Variants in KIF26B observed in about 807,000 individuals in gnomAD.
KIF26B encodes kinesin family member 26B, also known as kinesin-like protein KIF26B.
Under a neutral mutation model 151.2 loss-of-function variants are expected in KIF26B, and 63 were observed. That is an observed-to-expected ratio of 0.42 (90% CI 0.34 to 0.51). The LOEUF is 0.51. Among genes scored for constraint, KIF26B ranks in the 20% least tolerant of loss-of-function variants. The pLI is 0.07. For synonymous variants in KIF26B, 1,357 were observed against 1,262.1 expected (o/e 1.08, Z -1.59); for missense variants, 2,813 against 2,913.6 (o/e 0.97, Z 0.79).
At chr1:245,415,254 G>A (rs1041693131) in intron 3 of KIF26B, among the ~76,000 whole-genome samples, 5 of 152,134 alleles carry the variant, frequency 3.3e-5, no homozygotes, top group Non-Finnish European at 5.9e-5. Flanking sequence ...CACTGTCACC[G>A]TTTCAGAGAG....
At chr1:245,279,136 T>C (rs1670990036) in intron 2 of KIF26B, among the ~76,000 whole-genome samples, 1 of 152,088 alleles carries the variant, frequency 6.6e-6, no homozygotes, top group Non-Finnish European at 1.5e-5. Flanking sequence ...GGAACTGTGC[T>C]AAGAAATGTG....
At chr1:245,284,893 G>T (rs1671138078) in intron 2 of KIF26B, among the ~76,000 whole-genome samples, 1 of 152,138 alleles carries the variant, frequency 6.6e-6, no homozygotes, top group African/African-American at 2.4e-5. Context: ...TACAAAATTA[G>T]CCGGGCGTGG....
intron 2 of KIF26B, among the ~76,000 whole-genome samples, chr1:245,302,944 G>A (rs567683068): frequency 1.7e-4 from 21 of 125,756 alleles, no homozygotes; most frequent in African/African-American, 6.2e-4. Context: ...AGCCAAGATC[G>A]TGCCATTGTA....
chr1:245,522,125 T>C (rs904133484), intron 4 of KIF26B, among the ~76,000 whole-genome samples: 16 of 152,164 alleles, frequency 1.1e-4, no homozygotes, highest in Admixed American at 1.3e-4. Context: ...CGCCTTGGCC[T>C]CCCAAAGTGC....
intron 2 of KIF26B, among the ~76,000 whole-genome samples, chr1:245,295,062 A>G (rs1323141397): frequency 6.6e-6 from 1 of 152,156 alleles, no homozygotes; most frequent in Non-Finnish European, 1.5e-5. Context: ...ACTCATGGGG[A>G]AAATTGCAGA....
Position 245,601,062 on chromosome 1 carries a change from G to A in KIF26B, c.1351-1515G>A, listed in dbSNP as rs1472561560. On this transcript the variant is annotated intron_variant, in intron 5 of 14. Coordinates refer to ENST00000407071, the MANE Select transcript of KIF26B (RefSeq NM_018012.4). The surrounding 1 kb of genome is among the most constrained non-coding windows in gnomAD (Gnocchi z 4.4). ...CATTGGGAGGATTAAATGAGATCGTGTAGATAACAGCATAGTCCTGGCATA... is the reference window on the plus strand; with the variant it reads ...CATTGGGAGGATTAAATGAGATCGTATAGATAACAGCATAGTCCTGGCATA... Among the ~76,000 whole-genome samples the A allele has an allele frequency of 6.6e-6, 1 of 152,214 alleles. No homozygotes were observed. The highest frequency in any genetic ancestry group is 1.5e-5 in the Non-Finnish European group (1 of 68,034).
chr1:245,163,492 G>T (rs1668564921), intron 2 of KIF26B, among the ~76,000 whole-genome samples: 1 of 152,078 alleles, frequency 6.6e-6, no homozygotes. Flanking sequence ...TGTTTGGCAG[G>T]GCTAGCTCTC....
chr1:245,204,460 A>G (rs769343792), intron 2 of KIF26B, among the ~76,000 whole-genome samples: 2 of 150,690 alleles, frequency 1.3e-5, no homozygotes, highest in African/African-American at 2.4e-5. Flanking sequence ...CGCAACATCC[A>G]TCTCCCAGGT....
chr1:245,524,008 A>G (rs1472856162), intron 4 of KIF26B, among the ~76,000 whole-genome samples: 1 of 152,230 alleles, frequency 6.6e-6, no homozygotes, highest in African/African-American at 2.4e-5. Flanking sequence ...CCCCAAAATG[A>G]TTTAACACAA....
chr1:245,199,846 C>CCATCCAT (rs1558342686), intron 2 of KIF26B, among the ~76,000 whole-genome samples: 92 of 18,864 alleles, frequency 4.9e-3, no homozygotes, highest in African/African-American at 8.2e-3. Context: ...CATCCATCCA[C>CCATCCAT]CCATCCACTT....
chr1:245,581,442 GTAGA>G (rs141340046), intron 5 of KIF26B, among the ~76,000 whole-genome samples: 13,386 of 152,154 alleles, frequency 0.088, 721 homozygotes, highest in African/African-American at 0.15. Context: ...TAGAAGATAG[GTAGA>G]TAGATAGAGA....
At chr1:245,282,887 A>G (rs904617657) in intron 2 of KIF26B, 7 of 282,706 alleles carry the variant, frequency 2.5e-5, no homozygotes, top group Non-Finnish European at 3.8e-5. Context: ...TCGGGCATAC[A>G]TGGAGTATTA....
chr1:245,230,132 A>AAAAACAAAAC (rs10669398), intron 2 of KIF26B, among the ~76,000 whole-genome samples: 9 of 142,794 alleles, frequency 6.3e-5, no homozygotes, highest in Middle Eastern at 3.7e-3. Context: ...GACTCCATCT[A>AAAAACAAAAC]AAAACAAAAC....
At chr1:245,649,571 G>A (rs940553767) in intron 10 of KIF26B, among the ~76,000 whole-genome samples, 3 of 152,230 alleles carry the variant, frequency 2.0e-5, no homozygotes, top group South Asian at 2.1e-4. Context: ...CCTTAGAGAA[G>A]TGGAAGTTTC....
chr1:245,568,144 C>T (rs1250214758), intron 5 of KIF26B, among the ~76,000 whole-genome samples: 3 of 138,264 alleles, frequency 2.2e-5, no homozygotes, highest in Middle Eastern at 8.0e-3. Context: ...GAGATCATGT[C>T]CCTGCACTCC....
chr1:245,622,843 G>T (rs1281197296), intron 9 of KIF26B, among the ~76,000 whole-genome samples: 1 of 152,078 alleles, frequency 6.6e-6, no homozygotes, highest in Non-Finnish European at 1.5e-5. Flanking sequence ...GACAGCCAAG[G>T]AGTGGGTGAT....
At chr1:245,542,393 A>G (rs6666050) in intron 5 of KIF26B, among the ~76,000 whole-genome samples, 53,953 of 152,166 alleles carry the variant, frequency 0.35, 9,778 homozygotes, top group South Asian at 0.47. Flanking sequence ...CTCTGAGGGG[A>G]AGCATCCAGT....
chr1:245,342,567 G>GT (rs1349372158), intron 2 of KIF26B, among the ~76,000 whole-genome samples: 2 of 147,680 alleles, frequency 1.4e-5, no homozygotes, highest in African/African-American at 4.9e-5. Flanking sequence ...TTTTGTTTTT[G>GT]TTTTTTCCCT....
intron 2 of KIF26B, among the ~76,000 whole-genome samples, chr1:245,252,578 C>T (rs1670464522): frequency 6.6e-6 from 1 of 151,912 alleles, no homozygotes; most frequent in Admixed American, 6.5e-5. Context: ...AGTCTAATAC[C>T]TTGTGGATCC....
Sources: allele counts gnomAD v4.1 joint callset (sites outside exome capture counted in the v4.1 genomes callset), GRCh38; gene constraint gnomAD v4.1.1; non-coding constraint Gnocchi (gnomAD v3.1); transcripts MANE v1.5; gene names NCBI Gene and HGNC (gene_info 2026-07-23, HGNC 2026-07-21).